TM2D1: variants seen among roughly 807,000 people sequenced by gnomAD.
TM2D1 encodes TM2 domain-containing protein 1.
A neutral mutation model predicts 28.4 loss-of-function variants in TM2D1; 15 were observed. That is an observed-to-expected ratio of 0.53 (90% confidence interval 0.35 to 0.81). The LOEUF (loss-of-function observed/expected upper bound fraction) is 0.81. Among genes scored for constraint, TM2D1 ranks in the 40% least tolerant of loss-of-function variants. TM2D1 has a pLI of 0.01. For synonymous variants in TM2D1, 93 were observed against 96.2 expected (o/e 0.97, Z 0.20); for missense variants, 236 against 254.9 (o/e 0.93, Z 0.50).
chr1:61,717,716 G>A (rs1310131209), intron 2 of TM2D1, among the ~76,000 whole-genome samples: 2 of 151,820 alleles, frequency 1.3e-5, no homozygotes, highest in African/African-American at 4.8e-5. Context: ...CAGGATTACA[G>A]GCACACACCA....
At chr1:61,682,144 T>C (rs1255897935) in intron 6 of TM2D1, among the ~76,000 whole-genome samples, 5 of 152,212 alleles carry the variant, frequency 3.3e-5, no homozygotes, top group Admixed American at 3.3e-4. Context: ...GGCAAAAGTA[T>C]ACTTCATATC....
chr1:61,710,379 T>C (rs537955849), intron 2 of TM2D1, among the ~76,000 whole-genome samples: 1 of 146,168 alleles, frequency 6.8e-6, no homozygotes, highest in South Asian at 2.2e-4. Flanking sequence ...GGAGCCAAGA[T>C]TGTGCCACTG....
intron 2 of TM2D1, among the ~76,000 whole-genome samples, chr1:61,712,658 G>T (rs191575933): frequency 4.9e-4 from 75 of 152,098 alleles, no homozygotes; most frequent in African/African-American, 1.7e-3. Context: ...TAATTCACCC[G>T]CCTCAGTCTC....
intron 3 of TM2D1, among the ~76,000 whole-genome samples, chr1:61,702,183 C>CT (rs1644406756): frequency 1.3e-5 from 2 of 151,706 alleles, no homozygotes; most frequent in South Asian, 4.2e-4. Context: ...GAGTGAGACT[C>CT]TGTCTCAAAA....
intron 4 of TM2D1, among the ~76,000 whole-genome samples, chr1:61,697,087 T>C (rs1199318341): frequency 6.6e-6 from 1 of 152,204 alleles, no homozygotes; most frequent in Non-Finnish European, 1.5e-5. Context: ...TCATGAAGTA[T>C]TTTTATATTT....
intron 3 of TM2D1, among the ~76,000 whole-genome samples, chr1:61,709,128 G>A (rs1217234313): frequency 6.6e-6 from 1 of 152,068 alleles, no homozygotes; most frequent in Non-Finnish European, 1.5e-5. Flanking sequence ...TCATGCCACT[G>A]CACTCCAGCC....
At chr1:61,689,430 C>T (rs553827697) in intron 5 of TM2D1, among the ~76,000 whole-genome samples, 2 of 152,254 alleles carry the variant, frequency 1.3e-5, no homozygotes, top group Admixed American at 6.5e-5. Flanking sequence ...GTACTACAAT[C>T]ACAGTTCACT....
At chr1:61,694,161 GC>G (rs1644347485) in intron 5 of TM2D1, 1 of 151,550 alleles carries the variant, frequency 6.6e-6, no homozygotes, top group African/African-American at 2.4e-5. Flanking sequence ...TTTAGCTTAA[GC>G]TAGCTGGATT....
At chr1:61,709,696 T>C (rs1164017588) in intron 2 of TM2D1, among the ~76,000 whole-genome samples, 2 of 152,152 alleles carry the variant, frequency 1.3e-5, no homozygotes, top group Non-Finnish European at 2.9e-5. Flanking sequence ...TATAATTCAA[T>C]CTCCTGCCTC....
At chr1:61,697,557 GACAT>G (rs74619328) in intron 4 of TM2D1, 88,854 of 151,478 alleles carry the variant, frequency 0.59, 27,743 homozygotes, top group East Asian at 0.84. Context: ...ACATTAAAAT[GACAT>G]ACAATGACCT....
intron 2 of TM2D1, among the ~76,000 whole-genome samples, chr1:61,723,294 T>C (rs917201872): frequency 3.9e-5 from 6 of 152,202 alleles, no homozygotes; most frequent in African/African-American, 1.4e-4. Flanking sequence ...GACTTGTAGG[T>C]ATTATGGCAC....
chr1:61,699,890 ACT>A (rs1028436713), intron 4 of TM2D1: 11 of 272,056 alleles, frequency 4.0e-5, no homozygotes, highest in African/African-American at 2.4e-4. Flanking sequence ...AACTTACAAC[ACT>A]GAGTTTTAGT....
chr1:61,721,755 T>C (rs1439142433), intron 2 of TM2D1, among the ~76,000 whole-genome samples: 1 of 151,658 alleles, frequency 6.6e-6, no homozygotes, highest in Admixed American at 6.6e-5. Flanking sequence ...TTGATATCTG[T>C]CTCTGATCAG....
intron 2 of TM2D1, among the ~76,000 whole-genome samples, chr1:61,717,702 T>A (rs1644532485): frequency 6.6e-6 from 1 of 151,852 alleles, no homozygotes; most frequent in Non-Finnish European, 1.5e-5. Flanking sequence ...GACTACCAAA[T>A]AGCCAGGATT....
chr1:61,687,642 G>C (rs2148033988), intron 5 of TM2D1, among the ~76,000 whole-genome samples: 1 of 152,176 alleles, frequency 6.6e-6, no homozygotes, highest in Non-Finnish European at 1.5e-5. Flanking sequence ...TGTCAGTGAA[G>C]TCATGTTTCT....
intron 4 of TM2D1, among the ~76,000 whole-genome samples, chr1:61,697,061 C>T (rs1051156713): frequency 3.9e-5 from 6 of 152,116 alleles, no homozygotes; most frequent in Admixed American, 3.3e-4. Context: ...ATTCTTATTG[C>T]CCTTCCTGTC....
chr1:61,706,831 A>G (rs1469295504), intron 3 of TM2D1, among the ~76,000 whole-genome samples: 1 of 122,540 alleles, frequency 8.2e-6, no homozygotes, highest in Non-Finnish European at 1.7e-5. Flanking sequence ...CTCTGTCTTA[A>G]AAAAAAGAAA....
At chr1:61,684,096 C>T (rs769508873) in intron 5 of TM2D1, among the ~76,000 whole-genome samples, 3 of 152,156 alleles carry the variant, frequency 2.0e-5, no homozygotes, top group Admixed American at 6.5e-5. Context: ...CTGCCAGAAC[C>T]ACCTGGAATG....
chr1:61,686,879 C>G (rs751976816), intron 5 of TM2D1: 1 of 933,746 alleles, frequency 1.1e-6, no homozygotes. Context: ...GTTATGATCA[C>G]GCCACTGCAC....
Sources: gnomAD v4.1 joint callset for allele counts (sites outside exome capture counted in the v4.1 genomes callset) on GRCh38, gnomAD v4.1.1 for gene constraint, MANE v1.5 for transcripts, NCBI Gene and HGNC (gene_info 2026-07-23, HGNC 2026-07-21) for gene names.